The following PPP2R3A variants were observed in gnomAD, a reference collection of about 807,000 sequenced individuals.
PPP2R3A encodes protein phosphatase 2 regulatory subunit B''alpha, also known as serine/threonine-protein phosphatase 2A regulatory subunit B'' subunit alpha.
Under a neutral mutation model 106.9 loss-of-function variants are expected in PPP2R3A, and 80 were observed. The observed-to-expected ratio is 0.75, with a 90% confidence interval of 0.62 to 0.90. The LOEUF is 0.90. Among genes scored for constraint, PPP2R3A ranks in the 40% least tolerant of loss-of-function variants. The probability of loss-of-function intolerance (pLI) is 0.00; values close to 1 mark genes in which losing one functional copy is unlikely to be tolerated. For synonymous variants in PPP2R3A, 483 were observed against 468.3 expected, an observed-to-expected ratio of 1.03 and a Z score of -0.41; for missense variants, 1,386 against 1,350.4, an observed-to-expected ratio of 1.03 and a Z score of -0.41.
In PPP2R3A at chr3:136,026,652, AAATT is replaced by A. The variant is rs1436446206; in HGVS notation, c.1996-171_1996-168del. On this transcript the variant is annotated intron_variant, in intron 2 of 13. Transcript: ENST00000264977. ...ACTTGAGTACTGGCAGATAATTAAT[AAATT>A]AATTAATTTAGTGCAGATAAGCATT... 7.9e-5 allele frequency among the ~76,000 whole-genome samples: 12 copies of A among 152,250 alleles called. No individual in the cohort carries two copies. The East Asian group carries it at 2.3e-3, about 29-fold the overall frequency.
chr3:136,119,127 T>C (rs1318616410), intron 13 of PPP2R3A, among the ~76,000 whole-genome samples: 2 of 152,218 alleles, frequency 1.3e-5, no homozygotes, highest in Non-Finnish European at 2.9e-5. Flanking sequence ...GGAAAAGGAT[T>C]CCCTATTTAA....
intron 3 of PPP2R3A, among the ~76,000 whole-genome samples, chr3:136,037,888 A>C (rs1014199358): frequency 1.3e-5 from 2 of 151,936 alleles, no homozygotes; most frequent in Admixed American, 6.6e-5. Context: ...AAGTTTCCTA[A>C]ATCTATTTTC....
At chr3:136,066,892 C>T (rs755809251) in intron 5 of PPP2R3A, among the ~76,000 whole-genome samples, 14 of 152,022 alleles carry the variant, frequency 9.2e-5, no homozygotes, top group Non-Finnish European at 1.9e-4. Flanking sequence ...TTATTAATGT[C>T]GTATGTTATA....
At chr3:136,123,363 G>C (rs928141436) in intron 13 of PPP2R3A, among the ~76,000 whole-genome samples, 1 of 152,052 alleles carries the variant, frequency 6.6e-6, no homozygotes, top group African/African-American at 2.4e-5. Flanking sequence ...GTAAAATGTT[G>C]GTTCTCCATG....
intron 13 of PPP2R3A, among the ~76,000 whole-genome samples, chr3:136,111,529 A>G (rs767387819): frequency 2.6e-5 from 4 of 152,170 alleles, no homozygotes; most frequent in Non-Finnish European, 4.4e-5. Flanking sequence ...CTTCATACAT[A>G]CAAACTAGAA....
chr3:136,126,920 G>C (rs1024503605), intron 13 of PPP2R3A, among the ~76,000 whole-genome samples: 2 of 152,148 alleles, frequency 1.3e-5, no homozygotes, highest in African/African-American at 4.8e-5. Flanking sequence ...GCAGCTGAGG[G>C]ACCTGACTGT....
intron 3 of PPP2R3A, among the ~76,000 whole-genome samples, chr3:136,039,525 G>A (rs1935190246): frequency 6.6e-6 from 1 of 152,096 alleles, no homozygotes; most frequent in Non-Finnish European, 1.5e-5. Context: ...AGATCCTCAG[G>A]CATGCGTTAG....
intron 13 of PPP2R3A, among the ~76,000 whole-genome samples, chr3:136,136,261 CAG>C (rs1249023389): frequency 1.3e-5 from 2 of 151,768 alleles, no homozygotes; most frequent in Admixed American, 1.3e-4. Context: ...TTAAATAAGA[CAG>C]TGTATATAAT....
chr3:136,057,071 C>CG (rs1233918597), intron 5 of PPP2R3A, among the ~76,000 whole-genome samples: 1 of 135,494 alleles, frequency 7.4e-6, no homozygotes, highest in African/African-American at 2.7e-5. Context: ...GAAAGAGGAC[C>CG]CCCCCCACAC....
rs151085294 is a variant in PPP2R3A, at chr3:136,135,475, G to C, written c.3330-9568G>C. Among the ~76,000 whole-genome samples the C allele has an allele frequency of 7.5e-3, 1,140 of 152,258 alleles. 18 individuals carry two copies. The highest frequency in any genetic ancestry group is 0.026 in the African/African-American group (1,076 of 41,540). ...GGTTTCATCTCAAGAAAGAATCACA[G>C]ATATGTCAGGGAGAGTCTAATTGTC... On this transcript the variant is annotated intron_variant, in intron 13 of 13. Coordinates refer to ENST00000264977, the MANE Select transcript of PPP2R3A (RefSeq NM_002718.5).
At chr3:136,019,672 C>A (rs571772992) in intron 2 of PPP2R3A, among the ~76,000 whole-genome samples, 2 of 152,314 alleles carry the variant, frequency 1.3e-5, no homozygotes, top group East Asian at 3.9e-4. Flanking sequence ...TACTTCCATT[C>A]AAACACAAGT....
intron 6 of PPP2R3A, among the ~76,000 whole-genome samples, chr3:136,075,344 A>G (rs1936560391): frequency 6.6e-6 from 1 of 152,200 alleles, no homozygotes; most frequent in African/African-American, 2.4e-5. Context: ...TTATTTACCT[A>G]GAAGAGAGCA....
intron 13 of PPP2R3A, among the ~76,000 whole-genome samples, chr3:136,132,391 A>G (rs1475841336): frequency 6.6e-6 from 1 of 152,166 alleles, no homozygotes; most frequent in African/African-American, 2.4e-5. Flanking sequence ...AAAAGATACC[A>G]GTGCTATTAA....
chr3:136,144,154 A>G (rs1372015272), intron 13 of PPP2R3A, among the ~76,000 whole-genome samples: 6 of 152,340 alleles, frequency 3.9e-5, no homozygotes, highest in African/African-American at 1.4e-4. Flanking sequence ...AGGATACAGA[A>G]TTCAGGGGAT....
chr3:136,144,602 A>G (rs894330652), intron 13 of PPP2R3A, among the ~76,000 whole-genome samples: 2 of 151,994 alleles, frequency 1.3e-5, no homozygotes, highest in Non-Finnish European at 2.9e-5. Flanking sequence ...CAGAGGTTGC[A>G]GTGAGCCAAG....
chr3:136,102,235 G>C (rs763783710), intron 11 of PPP2R3A, 53 bp downstream of exon 11: 3 of 1,573,880 alleles, frequency 1.9e-6, no homozygotes, highest in African/African-American at 2.7e-5. Context: ...TCAGAGGAGG[G>C]CAAAGAATCC....
At chr3:136,006,481 GTC>G (rs1933847961) in intron 2 of PPP2R3A, among the ~76,000 whole-genome samples, 1 of 152,114 alleles carries the variant, frequency 6.6e-6, no homozygotes, top group Non-Finnish European at 1.5e-5. Flanking sequence ...ATGGGTCAGA[GTC>G]TCTGTCATGT....
intron 1 of PPP2R3A, among the ~76,000 whole-genome samples, chr3:135,980,422 TA>T (rs1937526384): frequency 6.8e-6 from 1 of 148,060 alleles, no homozygotes; most frequent in South Asian, 2.2e-4. Flanking sequence ...CTTGGGGGAT[TA>T]AAAAAAGGAG....
intron 13 of PPP2R3A, among the ~76,000 whole-genome samples, chr3:136,110,356 C>A (rs1216606617): frequency 6.6e-6 from 1 of 152,018 alleles, no homozygotes; most frequent in African/African-American, 2.4e-5. Context: ...ATATCACACT[C>A]CTAAACCAAC....
Sources: allele counts gnomAD v4.1 joint callset (sites outside exome capture counted in the v4.1 genomes callset), GRCh38; gene constraint gnomAD v4.1.1; transcripts MANE v1.5; gene names NCBI Gene and HGNC (gene_info 2026-07-23, HGNC 2026-07-21).